The following TSHZ2 variants were observed in gnomAD, a reference collection of about 807,000 sequenced individuals.
TSHZ2 encodes teashirt homolog 2.
Under a neutral mutation model 74.4 loss-of-function variants are expected in TSHZ2, and 21 were observed. The ratio of observed to expected loss-of-function variants is 0.28; its 90% CI spans 0.20 to 0.41. The LOEUF is 0.41. Ranked by LOEUF, TSHZ2 falls within the 10% of genes least tolerant of loss-of-function variation. TSHZ2 has a pLI of 1.00. For missense variants in TSHZ2, 1,244 were observed against 1,293.5 expected, an observed-to-expected ratio of 0.96 and a Z score of 0.59; for synonymous variants, 540 against 515.3, an observed-to-expected ratio of 1.05 and a Z score of -0.65.
intron 2 of TSHZ2, among the ~76,000 whole-genome samples, chr20:53,469,812 C>G (rs6126845): frequency 0.18 from 8,251 of 46,570 alleles, 1,612 homozygotes; most frequent in Middle Eastern, 0.26. Context: ...AAGGACCCAA[C>G]AAAGATAGAG....
At chr20:53,239,273 GTCTCTAATTTAGTGTCC>G (rs368660470) in intron 1 of TSHZ2, among the ~76,000 whole-genome samples, 6 of 152,280 alleles carry the variant, frequency 3.9e-5, no homozygotes, top group African/African-American at 1.4e-4. Flanking sequence ...TACCAAGTGT[GTCTCTAATTTAGTGTCC>G]TCTCAGGAAG....
intron 1 of TSHZ2, among the ~76,000 whole-genome samples, chr20:53,013,592 T>G (rs981382114): frequency 9.2e-5 from 14 of 152,192 alleles, no homozygotes; most frequent in African/African-American, 3.4e-4. Flanking sequence ...AGACACTATT[T>G]TAAGTAGTTG....
At chr20:53,461,151 C>T (rs1216411928) in intron 2 of TSHZ2, among the ~76,000 whole-genome samples, 1 of 152,106 alleles carries the variant, frequency 6.6e-6, no homozygotes, top group Non-Finnish European at 1.5e-5. Context: ...TCGCTGCCGC[C>T]TTGCAGTTTG....
chr20:53,117,026 A>G (rs1012713014), intron 1 of TSHZ2, among the ~76,000 whole-genome samples: 2 of 152,012 alleles, frequency 1.3e-5, no homozygotes, highest in African/African-American at 2.4e-5. Flanking sequence ...GTAGAGAAAA[A>G]GGAAAAGGGA....
intron 2 of TSHZ2, among the ~76,000 whole-genome samples, chr20:53,276,658 C>T (rs1390182351): frequency 9.2e-5 from 14 of 152,176 alleles, no homozygotes; most frequent in Admixed American, 7.2e-4. Context: ...GACTGTACAT[C>T]GCAATCACCT....
At chr20:52,975,771 C>A (rs533470447) in intron 1 of TSHZ2, among the ~76,000 whole-genome samples, 1 of 152,242 alleles carries the variant, frequency 6.6e-6, no homozygotes, top group South Asian at 2.1e-4. Context: ...CATCTAAGGT[C>A]ATCAATGCCC....
chr20:53,414,481 C>T (rs1018257061), intron 2 of TSHZ2, among the ~76,000 whole-genome samples: 1 of 151,978 alleles, frequency 6.6e-6, no homozygotes, highest in Admixed American at 6.6e-5. Flanking sequence ...ATTAGCCAGG[C>T]GTGGTGGCAC....
At chr20:53,152,195 T>TC (rs1018543188) in intron 1 of TSHZ2, among the ~76,000 whole-genome samples, 5 of 152,224 alleles carry the variant, frequency 3.3e-5, no homozygotes, top group Non-Finnish European at 5.9e-5. Context: ...CATTTTTTTT[T>TC]CACTTTCTTG....
At chr20:53,335,549 T>C (rs1376614062) in intron 2 of TSHZ2, among the ~76,000 whole-genome samples, 1 of 152,174 alleles carries the variant, frequency 6.6e-6, no homozygotes, top group Non-Finnish European at 1.5e-5. Context: ...CCCACAAACT[T>C]CTGTTAGGAA....
intron 1 of TSHZ2, among the ~76,000 whole-genome samples, chr20:53,092,485 C>A (rs1197685539): frequency 6.6e-6 from 1 of 152,184 alleles, no homozygotes; most frequent in African/African-American, 2.4e-5. Context: ...GACCACCTAA[C>A]AAACACGGCA....
intron 1 of TSHZ2, among the ~76,000 whole-genome samples, chr20:53,079,195 TTAG>T (rs372735048): frequency 6.6e-6 from 1 of 152,294 alleles, no homozygotes; most frequent in Non-Finnish European, 1.5e-5. Flanking sequence ...CTAACTACTT[TTAG>T]TAGAAGTCAG....
At chr20:53,274,020 C>T (rs551225412) in intron 2 of TSHZ2, among the ~76,000 whole-genome samples, 37 of 152,332 alleles carry the variant, frequency 2.4e-4, no homozygotes, top group Middle Eastern at 3.4e-3. Flanking sequence ...GTGACTCACA[C>T]CTGTAATCCC....
intron 2 of TSHZ2, among the ~76,000 whole-genome samples, chr20:53,471,808 T>C (rs572813871): frequency 1.6e-4 from 24 of 145,630 alleles, no homozygotes; most frequent in African/African-American, 4.4e-4. Flanking sequence ...CTTTTCTTTT[T>C]TTTTTTTTTT....
At position 53,266,316 on chromosome 20, in the gene TSHZ2, CAAG is replaced by C. The variant is rs371672884; in HGVS notation, c.*8+9749_*8+9751del. ...AACAGAAAAGGAAATCTTCTGGAAACAAGAAGTTCAATTTGAAAGTATTTGTGC... is the reference window on the plus strand; with the variant it reads ...AACAGAAAAGGAAATCTTCTGGAAACAAGTTCAATTTGAAAGTATTTGTGC... On this transcript the variant is annotated intron_variant, in intron 2 of 2. Transcript: ENST00000371497. Among the ~76,000 whole-genome samples, 27 of 152,288 alleles carry C rather than the reference CAAG, an allele frequency of 1.8e-4. No homozygotes were observed. In the East Asian group the frequency reaches 5.2e-3, roughly 29 times the overall value.
At chr20:53,136,092 A>G (rs1724960165) in intron 1 of TSHZ2, among the ~76,000 whole-genome samples, 1 of 152,122 alleles carries the variant, frequency 6.6e-6, no homozygotes, top group South Asian at 2.1e-4. Context: ...TGGTGGGGAC[A>G]CTCCACAGAG....
intron 2 of TSHZ2, among the ~76,000 whole-genome samples, chr20:53,310,915 A>C (rs1210134888): frequency 1.3e-5 from 2 of 152,172 alleles, no homozygotes; most frequent in Non-Finnish European, 2.9e-5. Flanking sequence ...ACACAAGAAA[A>C]ACATGCACAT....
intron 2 of TSHZ2, among the ~76,000 whole-genome samples, chr20:53,262,402 A>G (rs1990622724): frequency 6.6e-6 from 1 of 152,196 alleles, no homozygotes; most frequent in African/African-American, 2.4e-5. Context: ...ATTGTTCATC[A>G]AACGGCTCCT....
chr20:52,996,198 T>C (rs1305005647), intron 1 of TSHZ2, among the ~76,000 whole-genome samples: 1 of 152,136 alleles, frequency 6.6e-6, no homozygotes, highest in Non-Finnish European at 1.5e-5. Context: ...GGGTAAAATA[T>C]GTCTCCCAGA....
chr20:53,111,035 G>GA (rs1986520435), intron 1 of TSHZ2, among the ~76,000 whole-genome samples: 1 of 152,204 alleles, frequency 6.6e-6, no homozygotes, highest in African/African-American at 2.4e-5. Context: ...AGTTCTCTGT[G>GA]AAAAGGAGAA....
Sources: gnomAD v4.1 joint callset for allele counts (sites outside exome capture counted in the v4.1 genomes callset) on GRCh38, gnomAD v4.1.1 for gene constraint, MANE v1.5 for transcripts, NCBI Gene and HGNC (gene_info 2026-07-23, HGNC 2026-07-21) for gene names.